SREK1IP1: variants seen among roughly 807,000 people sequenced by gnomAD.
SREK1IP1 encodes protein SREK1IP1.
SREK1IP1 carries 12 observed loss-of-function variants against 22.8 expected under a neutral mutation model. The observed-to-expected ratio is 0.53, with a 90% CI of 0.34 to 0.85. The LOEUF (loss-of-function observed/expected upper bound fraction) is 0.85, where lower values mean the gene tolerates loss of function less well. Among genes scored for constraint, SREK1IP1 ranks in the 40% least tolerant of loss-of-function variants. The pLI is 0.02. For missense variants in SREK1IP1, 147 were observed against 171.8 expected (o/e 0.86, Z 0.81); for synonymous variants, 53 against 52.7 (o/e 1.01, Z -0.02).
intron 2 of SREK1IP1, among the ~76,000 whole-genome samples, chr5:64,747,533 T>C (rs1170653259): frequency 6.6e-6 from 1 of 152,196 alleles, no homozygotes; most frequent in African/African-American, 2.4e-5. Flanking sequence ...GGCTATTTTT[T>C]AAAAGGGAAA....
intron 2 of SREK1IP1, among the ~76,000 whole-genome samples, chr5:64,748,038 C>T (rs1308183839): frequency 6.6e-6 from 1 of 152,294 alleles, no homozygotes; most frequent in East Asian, 1.9e-4. Flanking sequence ...CAAACAGATA[C>T]TCGTACATCA....
chr5:64,736,266 T>C (rs190075280), intron 3 of SREK1IP1, among the ~76,000 whole-genome samples: 166 of 152,284 alleles, frequency 1.1e-3, no homozygotes, highest in African/African-American at 3.9e-3. Context: ...AAAGGTTAAA[T>C]AGGTCAAGTT....
At chr5:64,740,185 A>C (rs924352595) in intron 3 of SREK1IP1, among the ~76,000 whole-genome samples, 13 of 152,202 alleles carry the variant, frequency 8.5e-5, no homozygotes, top group South Asian at 2.1e-4. Context: ...CTCTAGGGAG[A>C]GAGGAGGATG....
intron 4 of SREK1IP1, among the ~76,000 whole-genome samples, chr5:64,724,962 AGT>A (rs1561382180): frequency 6.6e-6 from 1 of 152,316 alleles, no homozygotes; most frequent in East Asian, 1.9e-4. Context: ...TTTTCTTAAA[AGT>A]GTCTCAAAAG....
intron 2 of SREK1IP1, among the ~76,000 whole-genome samples, chr5:64,747,868 G>C (rs1400695015): frequency 2.0e-5 from 3 of 152,080 alleles, no homozygotes; most frequent in African/African-American, 7.2e-5. Flanking sequence ...GCAGAGGTTA[G>C]GTTGCAGTGA....
intron 3 of SREK1IP1, among the ~76,000 whole-genome samples, chr5:64,737,650 T>C (rs1742488407): frequency 6.7e-6 from 1 of 149,900 alleles, no homozygotes; most frequent in African/African-American, 2.4e-5. Context: ...AAGAGCTTTT[T>C]AATAAAAAGA....
chr5:64,728,133 T>C lies in SREK1IP1; in HGVS notation c.252A>G (p.Lys84=), dbSNP rs925657786. 1.4e-6 allele frequency: 2 copies of C among 1,425,264 alleles called. No individual in the cohort carries two copies. The highest frequency in any genetic ancestry group is 1.8e-6 in the Non-Finnish European group (2 of 1,082,460). 88.3% of individuals were successfully genotyped at this position (1,425,264 alleles called of 1,614,324 possible). A position where few individuals can be genotyped will look rare whatever the true frequency, so the allele number is the denominator to read the frequency against. ...TTTTCCTTTTTTTTTTCAATTTGAT[T>C]TTTTCTTTGCTTTTTTCTTTCTTCT... The part of the protein sequence containing the change: ...EEKKKEKSKE[K]IKLKKKRKRS... Residue 84 remains lysine (K), a synonymous_variant, in exon 4 of 5, where the codon AAA becomes AAG. Transcript: ENST00000513458.
chr5:64,738,110 G>T (rs948194626), intron 3 of SREK1IP1, among the ~76,000 whole-genome samples: 3 of 152,094 alleles, frequency 2.0e-5, no homozygotes, highest in Admixed American at 6.6e-5. Context: ...GCCAGACAAA[G>T]GTACCTTAAG....
At chr5:64,759,567 A>G (rs1370594676) in intron 1 of SREK1IP1, among the ~76,000 whole-genome samples, 1 of 152,230 alleles carries the variant, frequency 6.6e-6, no homozygotes, top group Non-Finnish European at 1.5e-5. Flanking sequence ...AGCAAACTCA[A>G]AAGACACGTG....
intron 2 of SREK1IP1, among the ~76,000 whole-genome samples, chr5:64,745,420 G>C (rs1742616637): frequency 6.6e-6 from 1 of 152,022 alleles, no homozygotes; most frequent in South Asian, 2.1e-4. Context: ...GCGAAATCCT[G>C]TCTCTACTAA....
At chr5:64,745,003 G>T (rs1031091227) in intron 2 of SREK1IP1, among the ~76,000 whole-genome samples, 1 of 152,042 alleles carries the variant, frequency 6.6e-6, no homozygotes, top group African/African-American at 2.4e-5. Context: ...TACTTGAGGG[G>T]CTCCACCCTT....
At chr5:64,756,052 A>G (rs1257305674) in intron 1 of SREK1IP1, among the ~76,000 whole-genome samples, 1 of 152,146 alleles carries the variant, frequency 6.6e-6, no homozygotes, top group East Asian at 1.9e-4. Flanking sequence ...CAGTTCTGAT[A>G]AATATTTACA....
At chr5:64,727,454 C>CATAT (rs10649215) in intron 4 of SREK1IP1, among the ~76,000 whole-genome samples, 6,995 of 140,480 alleles carry the variant, frequency 0.05, 452 homozygotes, top group African/African-American at 0.15. Context: ...CATCAGCCAC[C>CATAT]ATATATATAT....
rs1742208011 is a variant in SREK1IP1, at chr5:64,723,441, A to T, written c.*943T>A. On this transcript the variant is annotated 3_prime_UTR_variant, in exon 5 of 5. Transcript: ENST00000513458. ...TCAGACAAAATAAATATATATGCTCACATTTATAAAATTTTCCACAGTACT... is the reference window on the plus strand; with the variant it reads ...TCAGACAAAATAAATATATATGCTCTCATTTATAAAATTTTCCACAGTACT... 2.6e-5 allele frequency: 4 copies of T among 152,552 alleles called. No homozygotes were observed. The South Asian group carries it at 8.3e-4, about 32-fold the overall frequency. The allele number at this position is 152,552 out of a possible 1,614,324, so 9.4% of individuals were successfully genotyped here.
chr5:64,766,178 C>A (rs1743029639), intron 1 of SREK1IP1, among the ~76,000 whole-genome samples: 1 of 152,210 alleles, frequency 6.6e-6, no homozygotes, highest in Admixed American at 6.5e-5. Context: ...ACTCTGACTT[C>A]TTTCCTAAGC....
rs1006375892 is a variant in SREK1IP1 at position 64,723,068 on chromosome 5, T to C, written c.*1316A>G. On this transcript the variant is annotated 3_prime_UTR_variant, in exon 5 of 5. Coordinates refer to ENST00000513458, the MANE Select transcript of SREK1IP1 (RefSeq NM_173829.4). Reference sequence around the variant, plus strand: ...GCTGTGCCATGACATTGGTTGATGTTCGATGCTTCTACAACATAAGCATTT... The same window carrying C: ...GCTGTGCCATGACATTGGTTGATGTCCGATGCTTCTACAACATAAGCATTT... 23 of 152,340 alleles carry C rather than the reference T, an allele frequency of 1.5e-4. 1 individual carries two copies. Among genetic ancestry groups the C allele is most frequent in the Middle Eastern group, 3.4e-3 (1 of 294 alleles). 9.4% of individuals were successfully genotyped at this position (152,340 alleles called of 1,614,324 possible).
At chr5:64,726,533 G>A (rs550976466) in intron 4 of SREK1IP1, among the ~76,000 whole-genome samples, 8 of 148,896 alleles carry the variant, frequency 5.4e-5, no homozygotes, top group African/African-American at 2.0e-4. Flanking sequence ...CTGAGACTGT[G>A]CCACTGGACT....
chr5:64,730,238 G>T (rs1742353763), intron 3 of SREK1IP1, among the ~76,000 whole-genome samples: 1 of 152,124 alleles, frequency 6.6e-6, no homozygotes, highest in African/African-American at 2.4e-5. Flanking sequence ...GTAGAATGTG[G>T]ATATAAAAAC....
At chr5:64,727,553 A>ATATATATATATATT in intron 4 of SREK1IP1, 2 of 84,676 alleles carry the variant, frequency 2.4e-5, no homozygotes, top group African/African-American at 1.1e-4. Flanking sequence ...ATATATATAT[A>ATATATATATATATT]TTTTTTTTTT....
Sources: allele counts gnomAD v4.1 joint callset (sites outside exome capture counted in the v4.1 genomes callset), GRCh38; gene constraint gnomAD v4.1.1; transcripts MANE v1.5; gene names NCBI Gene and HGNC (gene_info 2026-07-23, HGNC 2026-07-21).